The following BAZ2A variants were observed in gnomAD, a reference collection of about 807,000 sequenced individuals.
The protein encoded by BAZ2A is bromodomain adjacent to zinc finger domain protein 2A.
In BAZ2A, 34 loss-of-function variants were observed where a neutral mutation model predicts 199.9. That is an observed-to-expected ratio of 0.17 (90% CI 0.13 to 0.23). The LOEUF (loss-of-function observed/expected upper bound fraction) is 0.23, where lower values mean the gene tolerates loss of function less well. Ranked by LOEUF, BAZ2A falls within the 10% of genes least tolerant of loss-of-function variation. BAZ2A has a pLI of 1.00. For synonymous variants in BAZ2A, 857 were observed against 883.9 expected (o/e 0.97, Z 0.54); for missense variants, 2,002 against 2,391.1 (o/e 0.84, Z 3.39).
chr12:56,619,643 G>C (rs538622053), intron 1 of BAZ2A, among the ~76,000 whole-genome samples: 1 of 151,984 alleles, frequency 6.6e-6, no homozygotes, highest in Non-Finnish European at 1.5e-5. Context: ...ACATAAGTCT[G>C]AGCATGATAT....
rs1232013595 is a variant in BAZ2A, at chr12:56,608,865, GGCT to G, written c.2092+868_2092+870del. On this transcript the variant is annotated intron_variant, in intron 10 of 28. Transcript: ENST00000549884. Reference sequence around the variant, plus strand: ...ATTACAGGCGTGAGCCACCGTGCCTGGCTTTTTTTTTTTTTTTTTTTTTTTTTG... The same window carrying G: ...ATTACAGGCGTGAGCCACCGTGCCTGTTTTTTTTTTTTTTTTTTTTTTTTG... Among the ~76,000 whole-genome samples the G allele has an allele frequency of 2.0e-3, 284 of 140,244 alleles. 4 individuals carry two copies. The highest frequency in any genetic ancestry group is 7.3e-3 in the African/African-American group (263 of 35,822). 92.0% of individuals were successfully genotyped at this position (140,244 alleles called of 152,430 possible). A position where few individuals can be genotyped will look rare whatever the true frequency, so the allele number is the denominator to read the frequency against.
chr12:56,608,323 G>C (rs918954620), intron 10 of BAZ2A, among the ~76,000 whole-genome samples: 1 of 151,126 alleles, frequency 6.6e-6, no homozygotes, highest in African/African-American at 2.4e-5. Flanking sequence ...AGTGAGCCAA[G>C]ATCGTGCCAC....
In BAZ2A at chr12:56,599,276, GAGA is replaced by G. The variant is rs757492484; in HGVS notation, c.5252_5254del (p.Phe1751del). The G allele has an allele frequency of 6.2e-7, 1 of 1,613,496 alleles. No homozygotes were observed. Among genetic ancestry groups the G allele is most frequent in the East Asian group, 2.2e-5 (1 of 44,866 alleles). On this transcript the variant is annotated inframe_deletion, in exon 27 of 29. Coordinates refer to ENST00000549884, the MANE Select transcript of BAZ2A (RefSeq NM_001300905.2). ...CCGGCGTCGGCGGCCATCACCCTCTGAGAAGTTCAGCGAATAACCACTTTTCCG... is the reference window on the plus strand; with the variant it reads ...CCGGCGTCGGCGGCCATCACCCTCTGAGTTCAGCGAATAACCACTTTTCCG...
At chr12:56,603,273 A>C in intron 18 of BAZ2A, 86 bp downstream of exon 18, 3 of 1,433,730 alleles carry the variant, frequency 2.1e-6, no homozygotes, top group Non-Finnish European at 9.6e-7. Flanking sequence ...CAAAAGAATA[A>C]AAATTAAAAT....
Position 56,635,687 on chromosome 12 carries a change from G to T in BAZ2A, c.4+495C>A, listed in dbSNP as rs1361529519. Among the ~76,000 whole-genome samples, 1 of 152,092 alleles carries T rather than the reference G, an allele frequency of 6.6e-6. No individual in the cohort carries two copies. Among genetic ancestry groups the T allele is most frequent in the Admixed American group, 6.6e-5 (1 of 15,266 alleles). On this transcript the variant is annotated intron_variant, in intron 1 of 29. Coordinates refer to the BAZ2A transcript ENST00000379441. This position sits in a 1 kb window ranked among gnomAD's most constrained non-coding sequence, Gnocchi z 4.1. ...ACCACCACCCTTGCTTCAGTCTCTG[G>T]GGCAACAGGAAGCAGCTGCTCAGTG...
chr12:56,605,248 A>G lies in BAZ2A; in HGVS notation c.2573T>C (p.Phe858Ser), dbSNP rs997056013. ...AFSDCLTIVE[F>S]LHSFGKVLGF... ...CAGCACCTTGCCAAAGCTATGCAGG[A>G]ACTCCACAATGGTCAAGCAGTCTGA... Residue 858 changes from phenylalanine to serine, a missense_variant, in exon 14 of 29, where the codon TTC (phenylalanine) becomes TCC (serine). Around this residue, in one of 6 missense-constraint regions of BAZ2A, gnomAD observed 1,081 missense variants for 1,274.7 expected, o/e 0.85. Transcript: ENST00000549884. The G allele has an allele frequency of 1.2e-6, 2 of 1,613,864 alleles. No individual in the cohort carries two copies. The highest frequency in any genetic ancestry group is 1.3e-5 in the African/African-American group (1 of 75,010).
rs1224114073 is a variant in BAZ2A at position 56,602,868 on chromosome 12, A to G, written c.3280-11T>C. 4 of 1,603,570 alleles carry G rather than the reference A, an allele frequency of 2.5e-6. No individual in the cohort carries two copies. The highest frequency in any genetic ancestry group is 3.4e-6 in the Non-Finnish European group (4 of 1,173,536). ...AAAGAAAAGCTGACGCTGGGTAGAC[A>G]ATGAAAATGAAGATGAATAAACACA... On this transcript the variant is annotated splice_polypyrimidine_tract_variant and intron_variant, in intron 18 of 28. Transcript: ENST00000549884.
At chr12:56,610,539 C>T in intron 7 of BAZ2A, 22 bp from the exon 8 acceptor site, 1 of 1,599,088 alleles carries the variant, frequency 6.3e-7, no homozygotes, top group Non-Finnish European at 8.5e-7. Flanking sequence ...GCACATGGGC[C>T]CTGCCGCCAG....
In BAZ2A at chr12:56,609,787, C is replaced by T. The variant is rs867046531; in HGVS notation, c.2041G>A (p.Glu681Lys). 14 of 1,613,920 alleles carry T rather than the reference C, an allele frequency of 8.7e-6. No homozygotes were observed. Among genetic ancestry groups the T allele is most frequent in the Non-Finnish European group, 1.2e-5 (14 of 1,179,870 alleles). The change falls in exon 10 of 29, where the codon GAG becomes AAG. Residue 681 changes from glutamate (E) to lysine (K), a missense_variant. By Grantham distance (56) the Glu-to-Lys change is moderately conservative. This residue lies in a region of BAZ2A where 1,081 missense variants were observed against 1,274.7 expected (regional missense o/e 0.85). Coordinates refer to ENST00000549884, the MANE Select transcript of BAZ2A (RefSeq NM_001300905.2). ...CGGTTGTCTGTCTTGTTCAATAGCT[C>T]AGTGATTTTGACCTTAGGTGGCCGA... The part of the protein sequence containing the change: ...RGRPPKVKIT[E>K]LLNKTDNRPL...
rs1950286979 is a variant in BAZ2A, at chr12:56,604,643, T to G, written c.2905A>C (p.Lys969Gln). The G allele has an allele frequency of 3.1e-6, 5 of 1,608,936 alleles. No individual in the cohort carries two copies. Among genetic ancestry groups the G allele is most frequent in the Non-Finnish European group, 4.2e-6 (5 of 1,177,662 alleles). The change falls in exon 15 of 29, where the codon AAG becomes CAG. Residue 969 changes from lysine to glutamine, a missense_variant. Transcript: ENST00000549884. ...ACAAGGAAGGCCAGGACAGCAGCCT[T>G]CTGCTGGGGTGGCTGGGCCTGAAAA... ...QPFQAQPPQQKAAVLAFLVHE... is the reference protein window; with the variant it reads ...QPFQAQPPQQQAAVLAFLVHE...
chr12:56,612,343 G>A, intron 5 of BAZ2A, 97 bp from the exon 6 acceptor site: 2 of 1,096,958 alleles, frequency 1.8e-6, no homozygotes, highest in Non-Finnish European at 2.6e-6. Context: ...AGCTAAACAG[G>A]GTTACTTCAA....
chr12:56,601,436 T>C (rs750476550), intron 20 of BAZ2A, 34 bp from the exon 21 acceptor site: 6 of 1,598,436 alleles, frequency 3.8e-6, no homozygotes, highest in African/African-American at 2.7e-5. Context: ...GAAATGAGGA[T>C]GTTTTCATGT....
At chr12:56,608,733 C>T (rs994595148) in intron 10 of BAZ2A, among the ~76,000 whole-genome samples, 6 of 151,694 alleles carry the variant, frequency 4.0e-5, no homozygotes, top group Non-Finnish European at 8.8e-5. Context: ...CCATGCCTGG[C>T]TAATTTTGTA....
At position 56,595,601 on chromosome 12, in the gene BAZ2A, C is replaced by T. The variant is rs772159682; in HGVS notation, c.*3017G>A. On this transcript the variant is annotated 3_prime_UTR_variant, in exon 29 of 29. Transcript: ENST00000549884. ...TTTTTAAATAAAACACAAAAGTCTA[C>T]GTCTTGGTGTCTTATCCGTGAGTGG... is the stretch of plus-strand genomic sequence containing the variant. 2.0e-5 allele frequency: 3 copies of T among 151,568 alleles called. No homozygotes were observed. Among genetic ancestry groups the T allele is most frequent in the African/African-American group, 7.3e-5 (3 of 41,196 alleles). 9.4% of individuals were successfully genotyped at this position (151,568 alleles called of 1,614,324 possible). A position where few individuals can be genotyped will look rare whatever the true frequency, so the allele number is the denominator to read the frequency against.
At chr12:56,629,391 GC>G (rs773848279) in intron 1 of BAZ2A, among the ~76,000 whole-genome samples, 1 of 152,216 alleles carries the variant, frequency 6.6e-6, no homozygotes, top group East Asian at 1.9e-4. Flanking sequence ...TGCCACGGAA[GC>G]GGGGATCCCC....
Position 56,600,749 on chromosome 12 carries a change from C to T in BAZ2A, c.4534G>A (p.Asp1512Asn). ...WSPKEKTYET[D>N]LAVLQWVEEL... ...TCTACCCATTGAAGCACTGCTAGGTCTGTCTCGTATGTCTTCTCTTTGGGG... is the reference window on the plus strand; with the variant it reads ...TCTACCCATTGAAGCACTGCTAGGTTTGTCTCGTATGTCTTCTCTTTGGGG... Residue 1512 changes from aspartate to asparagine, a missense_variant, in exon 23 of 29, where the codon GAC (aspartate) becomes AAC (asparagine). Coordinates refer to ENST00000549884, the MANE Select transcript of BAZ2A (RefSeq NM_001300905.2). The T allele has an allele frequency of 6.2e-7, 1 of 1,613,838 alleles. No homozygotes were observed. The highest frequency in any genetic ancestry group is 1.1e-5 in the South Asian group (1 of 91,072).
Position 56,601,664 on chromosome 12 carries a change from T to G in BAZ2A, c.3953A>C (p.Gln1318Pro). The part of the protein sequence containing the change: ...PDEAESSPDP[Q>P]ALWFNISAQM... Reference sequence around the variant, plus strand: ...GGCTGAGATGTTAAACCAGAGTGCTTGAGGATCAGGGCTGGATTCTGCCTC... The same window carrying G: ...GGCTGAGATGTTAAACCAGAGTGCTGGAGGATCAGGGCTGGATTCTGCCTC... Residue 1318 changes from glutamine to proline, a missense_variant, in exon 20 of 29, where the codon CAA (glutamine) becomes CCA (proline). This residue lies in a region of BAZ2A where 1,081 missense variants were observed against 1,274.7 expected (regional missense o/e 0.85). Transcript: ENST00000549884. The G allele has an allele frequency of 6.2e-7, 1 of 1,613,918 alleles. No homozygotes were observed. Among genetic ancestry groups the G allele is most frequent in the South Asian group, 1.1e-5 (1 of 91,084 alleles).
Position 56,605,871 on chromosome 12 carries a change from T to C in BAZ2A, c.2452A>G (p.Met818Val). 1.2e-6 allele frequency: 2 copies of C among 1,605,030 alleles called. No homozygotes were observed. The highest frequency in any genetic ancestry group is 2.2e-5 in the South Asian group (2 of 89,192). ...CACATATCCTCTGTCGGCTTCTTCA[T>C]TTCCTCCAAGATCATCTGCTGCCTC... ...RQRQQMILEE[M>V]KKPTEDMCLT... is the part of the protein sequence containing the mutation. Residue 818 changes from methionine (M) to valine (V), a missense_variant, in exon 13 of 29, where the codon ATG (methionine) becomes GTG (valine). By Grantham distance (21) the Met-to-Val change is conservative. Coordinates refer to ENST00000549884, the MANE Select transcript of BAZ2A (RefSeq NM_001300905.2).
chr12:56,604,029 G>A (rs756542687), intron 16 of BAZ2A, among the ~76,000 whole-genome samples, 188 bp downstream of exon 16: 1 of 151,930 alleles, frequency 6.6e-6, no homozygotes, highest in African/African-American at 2.4e-5. Context: ...AAAAAATTAC[G>A]GGAAACTGGT....
Sources: allele counts gnomAD v4.1 joint callset (sites outside exome capture counted in the v4.1 genomes callset), GRCh38; gene constraint gnomAD v4.1.1; regional missense constraint gnomAD v4.1.1; non-coding constraint Gnocchi (gnomAD v3.1); transcripts MANE v1.5; gene names NCBI Gene and HGNC (gene_info 2026-07-23, HGNC 2026-07-21).